The following COL5A1 variants were observed in gnomAD, a reference collection of about 807,000 sequenced individuals.
The protein encoded by COL5A1 is collagen alpha-1(V) chain.
A neutral mutation model predicts 263.7 loss-of-function variants in COL5A1; 16 were observed. The observed-to-expected ratio is 0.06, with a 90% confidence interval of 0.04 to 0.09. COL5A1 has a LOEUF of 0.09. COL5A1 is among the 10% of genes least tolerant of loss of function. The probability of loss-of-function intolerance (pLI) is 1.00; values close to 1 mark genes in which losing one functional copy is unlikely to be tolerated. For missense variants in COL5A1, 2,036 were observed against 2,540.5 expected (o/e 0.80, Z 4.27); for synonymous variants, 1,012 against 1,004.5 (o/e 1.01, Z -0.14).
Position 134,824,597 on chromosome 9 carries a change from C to A in COL5A1, c.4699-3C>A, listed in dbSNP as rs746861627. On this transcript the variant is annotated splice_polypyrimidine_tract_variant and splice_region_variant and intron_variant, in intron 61 of 65. Transcript: ENST00000371817. The stretch of plus-strand genomic sequence containing the variant: ...CCACCGCTGCTCCTGTTCTGTCCCC[C>A]AGGGCCCCCCGGGAGAGGTCATCCA... The A allele has an allele frequency of 6.2e-7, 1 of 1,614,030 alleles. No individual in the cohort carries two copies. The highest frequency in any genetic ancestry group is 8.5e-7 in the Non-Finnish European group (1 of 1,180,024).
At position 134,731,377 on chromosome 9, in the gene COL5A1, A is replaced by G. The variant is rs1834873562; in HGVS notation, c.1165-119A>G. ...AGCCATGGTGCCAGCACAGGGCCTGATGGATCTGGGATCTCTGCCCAGTTG... is the reference window on the plus strand; with the variant it reads ...AGCCATGGTGCCAGCACAGGGCCTGGTGGATCTGGGATCTCTGCCCAGTTG... On this transcript the variant is annotated intron_variant, in intron 7 of 65. Transcript: ENST00000371817. 1.1e-5 allele frequency: 12 copies of G among 1,044,176 alleles called. No individual in the cohort carries two copies. The Middle Eastern group carries it at 6.4e-4, about 56-fold the overall frequency. The allele number at this position is 1,044,176 out of a possible 1,614,324, so 64.7% of individuals were successfully genotyped here. A position where few individuals can be genotyped will look rare whatever the true frequency, so the allele number is the denominator to read the frequency against.
chr9:134,824,602 C>T lies in COL5A1; in HGVS notation c.4701C>T (p.Gly1567=), dbSNP rs1288042197. The T allele has an allele frequency of 3.1e-6, 5 of 1,613,522 alleles. No individual in the cohort carries two copies. The highest frequency in any genetic ancestry group is 2.2e-5 in the East Asian group (1 of 44,888). Residue 1567 remains glycine, a splice_region_variant and synonymous_variant, in exon 62 of 66, where the codon GGC becomes GGT. Coordinates refer to ENST00000371817, the MANE Select transcript of COL5A1 (RefSeq NM_000093.5). ...GCTGCTCCTGTTCTGTCCCCCAGGG[C>T]CCCCCGGGAGAGGTCATCCAGCCCC... ...AGHPGPPGPP[G]PPGEVIQPLP...
chr9:134,771,924 C>T (rs919433548), intron 25 of COL5A1, among the ~76,000 whole-genome samples: 1 of 152,196 alleles, frequency 6.6e-6, no homozygotes, highest in Non-Finnish European at 1.5e-5. Context: ...AAGTTTGGCT[C>T]ACCGATCCTG....
intron 4 of COL5A1, among the ~76,000 whole-genome samples, chr9:134,711,247 G>A (rs1834034833): frequency 6.6e-6 from 1 of 152,032 alleles, no homozygotes; most frequent in South Asian, 2.1e-4. Flanking sequence ...AGGCTGCCTG[G>A]CTCTTCCCCA....
At chr9:134,840,872 C>T (rs1473666282) in intron 65 of COL5A1, among the ~76,000 whole-genome samples, 5 of 152,216 alleles carry the variant, frequency 3.3e-5, no homozygotes, top group African/African-American at 9.6e-5. Context: ...TCCCATCGAA[C>T]GGCCCCACCT....
Position 134,738,771 on chromosome 9 carries a change from T to G in COL5A1, c.1457T>G (p.Met486Arg). ...GGTCTTCCCGGACCTCCAGGAACCA[T>G]GGGTCCCACTGGCCAAGTCGGGGAC... The part of the protein sequence containing the change: ...PAGLPGPPGT[M>R]GPTGQVGDPG... Residue 486 changes from methionine (M) to arginine (R), a missense_variant, in exon 11 of 66, where the codon ATG becomes AGG. Transcript: ENST00000371817. The G allele has an allele frequency of 6.2e-7, 1 of 1,609,338 alleles. No homozygotes were observed. The highest frequency in any genetic ancestry group is 8.5e-7 in the Non-Finnish European group (1 of 1,176,956).
chr9:134,751,003 A>G (rs1485830762), intron 13 of COL5A1, 121 bp downstream of exon 13: 7 of 872,580 alleles, frequency 8.0e-6, no homozygotes, highest in Non-Finnish European at 1.3e-5. Context: ...TTGATCCCAG[A>G]ATGCCTGCTT....
At position 134,716,661 on chromosome 9, in the gene COL5A1, C is replaced by A. The variant is rs1470717112; in HGVS notation, c.655-10605C>A. Among the ~76,000 whole-genome samples the A allele has an allele frequency of 6.6e-6, 1 of 152,148 alleles. No individual in the cohort carries two copies. Among genetic ancestry groups the A allele is most frequent in the Non-Finnish European group, 1.5e-5 (1 of 68,028 alleles). ...TTCGTCCCTTGGTCTAGAGATGAGGCCCCCTCTCCGAGTTTGCTGAGCTGA... is the reference window on the plus strand; with the variant it reads ...TTCGTCCCTTGGTCTAGAGATGAGGACCCCTCTCCGAGTTTGCTGAGCTGA... On this transcript the variant is annotated intron_variant, in intron 4 of 65. Transcript: ENST00000371817. This position sits in a 1 kb window ranked among gnomAD's most constrained non-coding sequence, Gnocchi z 4.5.
intron 37 of COL5A1, among the ~76,000 whole-genome samples, chr9:134,800,302 C>T (rs1293170146): frequency 3.9e-5 from 6 of 152,204 alleles, no homozygotes; most frequent in Admixed American, 1.3e-4. Flanking sequence ...GAGCTCTTCT[C>T]CCCGGGTCCA....
At chr9:134,811,302 C>G (rs1398225983) in intron 44 of COL5A1, 37 bp from the exon 45 acceptor site, 2 of 1,606,618 alleles carry the variant, frequency 1.2e-6, no homozygotes, top group Admixed American at 1.7e-5. Context: ...ATCCACGATC[C>G]AAGAAGCTAC....
chr9:134,823,646 A>C (rs1465988145), intron 61 of COL5A1, among the ~76,000 whole-genome samples, 177 bp downstream of exon 61: 2 of 152,240 alleles, frequency 1.3e-5, no homozygotes, highest in Non-Finnish European at 2.9e-5. Context: ...CTATCACAGG[A>C]AGCTTACAGG....
chr9:134,759,811 CA>C (rs1836220593), intron 18 of COL5A1, among the ~76,000 whole-genome samples: 1 of 114,458 alleles, frequency 8.7e-6, no homozygotes, highest in Non-Finnish European at 1.8e-5. Context: ...CACATGCACA[CA>C]CGCATACACA....
At chr9:134,669,558 C>T (rs1310642242) in intron 1 of COL5A1, among the ~76,000 whole-genome samples, 1 of 151,978 alleles carries the variant, frequency 6.6e-6, no homozygotes, top group Admixed American at 6.6e-5. Flanking sequence ...CTAGTTTCTG[C>T]AGTGCTTTGA....
At chr9:134,825,271 T>C (rs1305837328) in intron 62 of COL5A1, among the ~76,000 whole-genome samples, 1 of 152,226 alleles carries the variant, frequency 6.6e-6, no homozygotes, top group Non-Finnish European at 1.5e-5. Context: ...CAGCAGACGC[T>C]GTGCTTGGGC....
At chr9:134,690,008 C>T (rs1284381819) in intron 1 of COL5A1, among the ~76,000 whole-genome samples, 2 of 152,110 alleles carry the variant, frequency 1.3e-5, no homozygotes, top group Non-Finnish European at 2.9e-5. Context: ...CTGGGGTCCT[C>T]GTGGTGTGGG....
intron 44 of COL5A1, among the ~76,000 whole-genome samples, chr9:134,811,124 G>A (rs973142650): frequency 2.6e-5 from 4 of 152,158 alleles, no homozygotes; most frequent in Non-Finnish European, 4.4e-5. Context: ...GCAGCTCTTT[G>A]CCATCCAGAA....
chr9:134,711,124 C>T (rs1004825977), intron 4 of COL5A1, among the ~76,000 whole-genome samples: 8 of 152,098 alleles, frequency 5.3e-5, no homozygotes, highest in African/African-American at 9.7e-5. Flanking sequence ...AGCTGGCCTC[C>T]GCCTCTGGGC....
At chr9:134,709,218 A>G (rs7869149) in intron 4 of COL5A1, 94,899 of 346,434 alleles carry the variant, frequency 0.27, 14,157 homozygotes, top group Non-Finnish European at 0.34. Flanking sequence ...GCCACAGAGC[A>G]CGTGTGCTTA....
rs138601114 is a variant in COL5A1, at chr9:134,682,136, C to T, written c.110-8776C>T. ...CGTGGTGCTGAGTGTTTGGCGGTGACCTCTGGAGGACGGGCCGGGGAGCTT... is the reference window on the plus strand; with the variant it reads ...CGTGGTGCTGAGTGTTTGGCGGTGATCTCTGGAGGACGGGCCGGGGAGCTT... On this transcript the variant is annotated intron_variant, in intron 1 of 65. Coordinates refer to ENST00000371817, the MANE Select transcript of COL5A1 (RefSeq NM_000093.5). This position sits in a 1 kb window ranked among gnomAD's most constrained non-coding sequence, Gnocchi z 5.1. Among the ~76,000 whole-genome samples the T allele has an allele frequency of 2.9e-3, 442 of 152,326 alleles. 2 individuals are homozygous for T. The highest frequency in any genetic ancestry group is 0.01 in the African/African-American group (421 of 41,584).
Sources: gnomAD v4.1 joint callset for allele counts (sites outside exome capture counted in the v4.1 genomes callset) on GRCh38, gnomAD v4.1.1 for gene constraint, Gnocchi (gnomAD v3.1) non-coding constraint, MANE v1.5 for transcripts, NCBI Gene and HGNC (gene_info 2026-07-23, HGNC 2026-07-21) for gene names.